The following RPRD2 variants were observed in gnomAD, a reference collection of about 807,000 sequenced individuals.
RPRD2 encodes the protein regulation of nuclear pre-mRNA domain containing 2.
Under a neutral mutation model 104.4 loss-of-function variants are expected in RPRD2, and 12 were observed. That is an observed-to-expected ratio of 0.11 (90% CI 0.07 to 0.19). The LOEUF is 0.19. Ranked by LOEUF, RPRD2 falls within the 10% of genes least tolerant of loss-of-function variation. The probability of loss-of-function intolerance (pLI) is 1.00; values close to 1 mark genes in which losing one functional copy is unlikely to be tolerated. For missense variants in RPRD2, 1,543 were observed against 1,790.1 expected (o/e 0.86, Z 2.49); for synonymous variants, 714 against 684.9 (o/e 1.04, Z -0.66).
At chr1:150,422,860 G>A (rs1030110030) in intron 2 of RPRD2, among the ~76,000 whole-genome samples, 2 of 152,108 alleles carry the variant, frequency 1.3e-5, no homozygotes, top group Non-Finnish European at 2.9e-5. Flanking sequence ...TGGACTCACG[G>A]CCACATGTTA....
chr1:150,400,009 T>C (rs1553885009), intron 1 of RPRD2, among the ~76,000 whole-genome samples: 1 of 152,214 alleles, frequency 6.6e-6, no homozygotes, highest in South Asian at 2.1e-4. Flanking sequence ...ATATGTTTAG[T>C]CTTTCATAAA....
chr1:150,443,432 G>T, intron 5 of RPRD2, 149 bp downstream of exon 5: 1 of 506,232 alleles, frequency 2.0e-6, no homozygotes, highest in Non-Finnish European at 3.4e-6. Flanking sequence ...AACCCAGATT[G>T]GGATTAGATT....
chr1:150,470,457 C>T, intron 10 of RPRD2, 104 bp from the exon 11 acceptor site: 1 of 1,214,296 alleles, frequency 8.2e-7, no homozygotes, highest in Non-Finnish European at 1.1e-6. Context: ...CTTTGTCTAT[C>T]TGGTTCCCAC....
intron 1 of RPRD2, among the ~76,000 whole-genome samples, chr1:150,378,979 T>TA (rs782457070): frequency 0.3 from 25,233 of 83,976 alleles, 4,688 homozygotes; most frequent in Non-Finnish European, 0.39. Context: ...GAGACTTCAT[T>TA]AAAAAAAAAA....
At chr1:150,409,602 A>G (rs1210668959) in intron 1 of RPRD2, among the ~76,000 whole-genome samples, 2 of 151,842 alleles carry the variant, frequency 1.3e-5, no homozygotes, top group Non-Finnish European at 2.9e-5. Context: ...GGGAGAATAA[A>G]GCAAAGAAGG....
intron 7 of RPRD2, among the ~76,000 whole-genome samples, chr1:150,451,009 A>T (rs2102386508): frequency 6.6e-6 from 1 of 152,294 alleles, no homozygotes; most frequent in South Asian, 2.1e-4. Flanking sequence ...ATAGGAAAAG[A>T]TCCTATCCAG....
intron 1 of RPRD2, among the ~76,000 whole-genome samples, chr1:150,394,970 C>G (rs1428174785): frequency 6.6e-6 from 1 of 152,084 alleles, no homozygotes; most frequent in Admixed American, 6.6e-5. Context: ...TCTTTATGAC[C>G]ATAGTATAGG....
rs1156726576 is a variant in RPRD2 at position 150,442,036 on chromosome 1, G to A, written c.514+78G>A. 13 of 1,112,502 alleles carry A rather than the reference G, an allele frequency of 1.2e-5. 1 individual carries two copies. Among genetic ancestry groups the A allele is most frequent in the South Asian group, 5.6e-5 (4 of 71,636 alleles). The allele number at this position is 1,112,502 out of a possible 1,614,324, so 68.9% of individuals were successfully genotyped here. On this transcript the variant is annotated intron_variant, in intron 4 of 10. Transcript: ENST00000369068. ...AAGAAAATGTAGACCATTTGACATC[G>A]TACCTGGCATAAACCATGGGCAAGC...
At chr1:150,402,976 C>A (rs7518948) in intron 1 of RPRD2, among the ~76,000 whole-genome samples, 19 of 146,570 alleles carry the variant, frequency 1.3e-4, no homozygotes, top group South Asian at 2.1e-4. Context: ...CTCAAAAAAA[C>A]AAAAACAAAA....
At chr1:150,434,451 CT>C (rs1665859945) in intron 2 of RPRD2, among the ~76,000 whole-genome samples, 1 of 152,152 alleles carries the variant, frequency 6.6e-6, no homozygotes. Context: ...ATGAGAAACT[CT>C]TATGAATAAA....
intron 8 of RPRD2, among the ~76,000 whole-genome samples, chr1:150,459,190 A>G (rs1456398814): frequency 2.0e-5 from 3 of 152,190 alleles, no homozygotes; most frequent in South Asian, 2.1e-4. Context: ...AAATCTTATT[A>G]GATAGTTTGA....
chr1:150,364,708 C>A lies in RPRD2; in HGVS notation c.-7C>A. 1 of 1,550,094 alleles carries A rather than the reference C, an allele frequency of 6.5e-7. No individual in the cohort carries two copies. Among genetic ancestry groups the A allele is most frequent in the South Asian group, 1.2e-5 (1 of 85,916 alleles). ...GAGGAGCAGCAGCGCTTGTGCAAACCGGGAAGATGGCGGCCGGCGGCGGCG... is the reference window on the plus strand; with the variant it reads ...GAGGAGCAGCAGCGCTTGTGCAAACAGGGAAGATGGCGGCCGGCGGCGGCG... On this transcript the variant is annotated 5_prime_UTR_variant, in exon 1 of 11. Transcript: ENST00000369068.
chr1:150,438,583 C>T (rs72696885), intron 2 of RPRD2, among the ~76,000 whole-genome samples: 47,803 of 150,932 alleles, frequency 0.32, 8,556 homozygotes, highest in Non-Finnish European at 0.4. Context: ...GAGCCGAGAT[C>T]GCACCATTGC....
intron 1 of RPRD2, among the ~76,000 whole-genome samples, chr1:150,399,431 T>G (rs1662797157): frequency 6.6e-6 from 1 of 152,170 alleles, no homozygotes; most frequent in Non-Finnish European, 1.5e-5. Context: ...CTTTCATCAT[T>G]AAATTGTCTA....
Position 150,396,326 on chromosome 1 carries a change from TC to T in RPRD2, c.206-21268del, listed in dbSNP as rs1662522948. Among the ~76,000 whole-genome samples, 5 of 152,324 alleles carry T rather than the reference TC, an allele frequency of 3.3e-5. No individual in the cohort carries two copies. The South Asian group carries it at 1.0e-3, about 32-fold the overall frequency. ...TTGTCTGTTTACTCTTGCTGACTGTTCCTTTTGCTCTTCAAAAGCTCTTTAG... is the reference window on the plus strand; with the variant it reads ...TTGTCTGTTTACTCTTGCTGACTGTTCTTTTGCTCTTCAAAAGCTCTTTAG... On this transcript the variant is annotated intron_variant, in intron 1 of 10. Coordinates refer to ENST00000369068, the MANE Select transcript of RPRD2 (RefSeq NM_015203.5).
chr1:150,431,797 C>A (rs1286170371), intron 2 of RPRD2, among the ~76,000 whole-genome samples: 3 of 151,948 alleles, frequency 2.0e-5, no homozygotes, highest in Admixed American at 6.6e-5. Context: ...GAAGGAAATT[C>A]TAATACATGC....
Position 150,471,659 on chromosome 1 carries a change from A to C in RPRD2, c.2711A>C (p.Asp904Ala), listed in dbSNP as rs888796351. The change falls in exon 11 of 11, where the codon GAC (aspartate) becomes GCC (alanine). Residue 904 changes from aspartate (D) to alanine (A), a missense_variant. Around this residue, in one of 4 missense-constraint regions of RPRD2, gnomAD observed 880 missense variants for 885.6 expected, o/e 0.99. Transcript: ENST00000369068. This position sits in a 1 kb window ranked among gnomAD's most constrained non-coding sequence, Gnocchi z 5.3. ...RALLDSSENCDRLSSSPGLFG... is the reference protein window; with the variant it reads ...RALLDSSENCARLSSSPGLFG... ...CTCCTGGACTCTAGTGAGAACTGTGACCGTCTCTCATCTTCCCCTGGGCTA... is the reference window on the plus strand; with the variant it reads ...CTCCTGGACTCTAGTGAGAACTGTGCCCGTCTCTCATCTTCCCCTGGGCTA... 2.5e-6 allele frequency: 4 copies of C among 1,613,676 alleles called. No homozygotes were observed. The African/African-American group carries it at 5.3e-5, about 22-fold the overall frequency.
chr1:150,415,260 AG>A (rs1664249082), intron 1 of RPRD2, among the ~76,000 whole-genome samples: 3 of 152,060 alleles, frequency 2.0e-5, no homozygotes, highest in Admixed American at 2.0e-4. Context: ...TGAACCCGTG[AG>A]GCGGAGGTTG....
At chr1:150,403,929 A>G (rs950985461) in intron 1 of RPRD2, among the ~76,000 whole-genome samples, 5 of 151,966 alleles carry the variant, frequency 3.3e-5, no homozygotes, top group African/African-American at 1.2e-4. Context: ...CCACTGCTGC[A>G]CCTGGCCTCT....
Sources: gnomAD v4.1 joint callset for allele counts (sites outside exome capture counted in the v4.1 genomes callset) on GRCh38, gnomAD v4.1.1 for gene constraint, gnomAD v4.1.1 regional missense constraint, Gnocchi (gnomAD v3.1) non-coding constraint, MANE v1.5 for transcripts, NCBI Gene and HGNC (gene_info 2026-07-23, HGNC 2026-07-21) for gene names.